CCSER1: variants seen among roughly 807,000 people sequenced by gnomAD.
CCSER1 encodes the protein coiled-coil serine rich protein 1.
In CCSER1, 41 loss-of-function variants were observed where a neutral mutation model predicts 82.0. The observed-to-expected ratio is 0.50, with a 90% CI of 0.39 to 0.65. The LOEUF (loss-of-function observed/expected upper bound fraction) is 0.65. CCSER1 is among the 30% of genes least tolerant of loss of function. The pLI, the probability that CCSER1 is intolerant of heterozygous loss-of-function variation, is 0.00. For missense variants in CCSER1, 1,119 were observed against 1,064.2 expected (o/e 1.05, Z -0.72); for synonymous variants, 414 against 383.9 (o/e 1.08, Z -0.92).
chr4:91,594,384 CATAT>C (rs1287872329), intron 10 of CCSER1, among the ~76,000 whole-genome samples: 1 of 132,902 alleles, frequency 7.5e-6, no homozygotes, highest in Admixed American at 7.3e-5. Flanking sequence ...TATATACACA[CATAT>C]ATACATATAT....
intron 10 of CCSER1, among the ~76,000 whole-genome samples, chr4:91,277,513 T>C (rs1340464354): frequency 2.0e-5 from 3 of 150,986 alleles, no homozygotes; most frequent in Non-Finnish European, 4.4e-5. Context: ...GTTATTGTGG[T>C]ATCCATTTTG....
intron 10 of CCSER1, among the ~76,000 whole-genome samples, chr4:91,301,232 T>G (rs572126382): frequency 1.3e-5 from 2 of 151,996 alleles, no homozygotes; most frequent in South Asian, 4.1e-4. Flanking sequence ...TTTATAGATA[T>G]TCTCCTTTTA....
At chr4:90,328,489 C>T (rs1561037941) in intron 3 of CCSER1, among the ~76,000 whole-genome samples, 1 of 152,104 alleles carries the variant, frequency 6.6e-6, no homozygotes, top group Non-Finnish European at 1.5e-5. Context: ...TAAAGTAGGA[C>T]CTCCCTATTA....
At chr4:90,856,738 T>C (rs1312709867) in intron 8 of CCSER1, among the ~76,000 whole-genome samples, 5 of 152,094 alleles carry the variant, frequency 3.3e-5, no homozygotes, top group Non-Finnish European at 7.4e-5. Flanking sequence ...GTCTATAAAA[T>C]AGAAATAACA....
chr4:90,221,433 A>G (rs1363100489), intron 1 of CCSER1, among the ~76,000 whole-genome samples: 1 of 152,150 alleles, frequency 6.6e-6, no homozygotes, highest in Non-Finnish European at 1.5e-5. Flanking sequence ...AGCACCTACC[A>G]TATGCTAAGA....
At position 91,386,652 on chromosome 4, in the gene CCSER1, T is replaced by C. The variant is rs532574785; in HGVS notation, c.2218-211920T>C. On this transcript the variant is annotated intron_variant, in intron 10 of 10. Transcript: ENST00000509176. ...TGCCAATAAGTTGGAAAAGAAAAAA[T>C]AGTAACTCTAGACTGGGGAAGCTGG... Among the ~76,000 whole-genome samples the C allele has an allele frequency of 2.0e-5, 3 of 152,060 alleles. No homozygotes were observed. The East Asian group carries it at 5.8e-4, about 29-fold the overall frequency.
intron 10 of CCSER1, among the ~76,000 whole-genome samples, chr4:91,305,432 G>A (rs555324184): frequency 2.0e-5 from 3 of 152,058 alleles, no homozygotes; most frequent in Non-Finnish European, 4.4e-5. Flanking sequence ...ATCTTTGCAT[G>A]TCTCAACTTG....
chr4:91,345,730 G>A (rs1290624674), intron 10 of CCSER1, among the ~76,000 whole-genome samples: 1 of 152,056 alleles, frequency 6.6e-6, no homozygotes, highest in South Asian at 2.1e-4. Context: ...TCTTTGTGTT[G>A]TGCCTTATAT....
intron 9 of CCSER1, among the ~76,000 whole-genome samples, chr4:91,010,563 G>GT (rs1738926900): frequency 7.5e-6 from 1 of 134,030 alleles, no homozygotes; most frequent in African/African-American, 2.5e-5. Context: ...TTTACTTAAT[G>GT]GTGTCCCATA....
At chr4:91,569,840 A>C (rs1763081468) in intron 10 of CCSER1, among the ~76,000 whole-genome samples, 1 of 152,124 alleles carries the variant, frequency 6.6e-6, no homozygotes, top group South Asian at 2.1e-4. Flanking sequence ...AAGCATAATA[A>C]TGCCTTTCTA....
intron 8 of CCSER1, among the ~76,000 whole-genome samples, chr4:90,882,532 CA>C (rs1473771812): frequency 6.6e-6 from 1 of 151,884 alleles, no homozygotes; most frequent in Non-Finnish European, 1.5e-5. Flanking sequence ...CTGTGAGGCT[CA>C]AATGAGTTAA....
intron 10 of CCSER1, among the ~76,000 whole-genome samples, chr4:91,445,040 A>T (rs1367279170): frequency 6.6e-6 from 1 of 152,202 alleles, no homozygotes; most frequent in East Asian, 1.9e-4. Context: ...TATACTGTAA[A>T]GATGTTCCTG....
At chr4:91,100,187 A>T (rs1169209902) in intron 10 of CCSER1, among the ~76,000 whole-genome samples, 1 of 131,394 alleles carries the variant, frequency 7.6e-6, no homozygotes, top group Non-Finnish European at 1.7e-5. Flanking sequence ...AATTTGGGCA[A>T]GATAAAAAAA....
chr4:90,607,715 T>A (rs1434670201), intron 5 of CCSER1, among the ~76,000 whole-genome samples: 1 of 152,202 alleles, frequency 6.6e-6, no homozygotes, highest in Non-Finnish European at 1.5e-5. Context: ...CCAAATAAGG[T>A]CACATTCTGA....
intron 10 of CCSER1, among the ~76,000 whole-genome samples, chr4:91,357,002 A>G (rs1748881298): frequency 2.6e-5 from 4 of 152,198 alleles, no homozygotes; most frequent in Admixed American, 6.5e-5. Flanking sequence ...GTGCACAAGC[A>G]TAACAGTTGC....
chr4:90,208,748 C>G (rs1174099906), intron 1 of CCSER1, among the ~76,000 whole-genome samples: 1 of 152,112 alleles, frequency 6.6e-6, no homozygotes, highest in Non-Finnish European at 1.5e-5. Context: ...CTTCCCTTGG[C>G]TAGGGGAGGG....
chr4:91,218,756 G>C, intron 10 of CCSER1, among the ~76,000 whole-genome samples: 1 of 151,976 alleles, frequency 6.6e-6, no homozygotes, highest in Non-Finnish European at 1.5e-5. Flanking sequence ...TAAGAATATC[G>C]ATAATATTGC....
In CCSER1 at chr4:91,039,105, T is replaced by G. The variant is rs562657407; in HGVS notation, c.2173-46845T>G. Reference sequence around the variant, plus strand: ...GTGCAGTGGCACAATCATAGCTCACTGCAGCCTCAACCACTTGGCTCAAGC... The same window carrying G: ...GTGCAGTGGCACAATCATAGCTCACGGCAGCCTCAACCACTTGGCTCAAGC... On this transcript the variant is annotated intron_variant, in intron 9 of 10. Coordinates refer to ENST00000509176, the MANE Select transcript of CCSER1 (RefSeq NM_001145065.2). Among the ~76,000 whole-genome samples the G allele has an allele frequency of 7.9e-5, 12 of 152,298 alleles. No individual in the cohort carries two copies. In the South Asian group the frequency reaches 2.3e-3, roughly 29 times the overall value.
At position 91,599,067 on chromosome 4, in the gene CCSER1, C is replaced by T. The variant is rs1332540423; in HGVS notation, c.*10C>T. ...CCAGCAGGATGGGTAATTAAATCAC[C>T]GTATTCCTGTCTTTGGGTAGGATAA... On this transcript the variant is annotated 3_prime_UTR_variant, in exon 11 of 11. Coordinates refer to ENST00000509176, the MANE Select transcript of CCSER1 (RefSeq NM_001145065.2). The T allele has an allele frequency of 3.3e-6, 5 of 1,522,352 alleles. No homozygotes were observed. Among genetic ancestry groups the T allele is most frequent in the African/African-American group, 2.8e-5 (2 of 72,174 alleles). The allele number at this position is 1,522,352 out of a possible 1,614,324, so 94.3% of individuals were successfully genotyped here. A position where few individuals can be genotyped will look rare whatever the true frequency, so the allele number is the denominator to read the frequency against.
Sources: allele counts gnomAD v4.1 joint callset (sites outside exome capture counted in the v4.1 genomes callset), GRCh38; gene constraint gnomAD v4.1.1; transcripts MANE v1.5; gene names NCBI Gene and HGNC (gene_info 2026-07-23, HGNC 2026-07-21).